Variants in HIVEP2 observed in about 807,000 individuals in gnomAD.
HIVEP2 encodes the protein transcription factor HIVEP2.
A neutral mutation model predicts 180.7 loss-of-function variants in HIVEP2; 14 were observed. That is an observed-to-expected ratio of 0.08 (90% CI 0.05 to 0.12). The LOEUF (loss-of-function observed/expected upper bound fraction) is 0.12, where lower values mean the gene tolerates loss of function less well. Ranked by LOEUF, HIVEP2 falls within the 10% of genes least tolerant of loss-of-function variation. The pLI is 1.00. For synonymous variants in HIVEP2, 1,184 were observed against 1,136.4 expected, an observed-to-expected ratio of 1.04 and a Z score of -0.84; for missense variants, 2,579 against 3,008.5, an observed-to-expected ratio of 0.86 and a Z score of 3.34.
intron 1 of HIVEP2, among the ~76,000 whole-genome samples, chr6:142,944,585 G>T (rs1778265146): frequency 6.6e-6 from 1 of 152,212 alleles, no homozygotes; most frequent in Non-Finnish European, 1.5e-5. Context: ...ATAGCAGCCG[G>T]CAGTGCCGCC....
At chr6:142,866,833 CT>C (rs1162058084) in intron 1 of HIVEP2, among the ~76,000 whole-genome samples, 1 of 152,118 alleles carries the variant, frequency 6.6e-6, no homozygotes, top group African/African-American at 2.4e-5. Context: ...AATGTGGCTA[CT>C]TACCCCTTTC....
At position 142,815,695 on chromosome 6, in the gene HIVEP2, T is replaced by A. The variant is rs562944082; in HGVS notation, c.-528+21240A>T. The stretch of plus-strand genomic sequence containing the variant: ...TTAAGTGATTATGGAGTACTCATTA[T>A]CTGTCAGGCATTGTGCTAAGCGTTT... On this transcript the variant is annotated intron_variant, in intron 2 of 9. Transcript: ENST00000367603. Among the ~76,000 whole-genome samples the A allele has an allele frequency of 1.5e-4, 23 of 152,350 alleles. No homozygotes were observed. The East Asian group carries it at 4.4e-3, about 29-fold the overall frequency.
chr6:142,774,818 A>G lies in HIVEP2; in HGVS notation c.-80T>C. The stretch of plus-strand genomic sequence containing the variant: ...GAGTGTCTCCAAAGCTGTGCTTCTT[A>G]AAGCTTGGTTGCTTCCATGTTCCAG... On this transcript the variant is annotated 5_prime_UTR_variant, in exon 5 of 10. The change abolishes the stop of an existing upstream ORF in the 5' untranslated region. Transcript: ENST00000367603. The surrounding 1 kb of genome is among the most constrained non-coding windows in gnomAD (Gnocchi z 5.1). The G allele has an allele frequency of 6.5e-7, 1 of 1,532,904 alleles. No homozygotes were observed. The allele number at this position is 1,532,904 out of a possible 1,614,324, so 95.0% of individuals were successfully genotyped here.
At chr6:142,828,681 C>T (rs1023657527) in intron 2 of HIVEP2, among the ~76,000 whole-genome samples, 3 of 152,088 alleles carry the variant, frequency 2.0e-5, no homozygotes, top group East Asian at 1.9e-4. Flanking sequence ...CCACCCGCCT[C>T]GGCCTCCCAA....
At chr6:142,911,020 C>T (rs979045617) in intron 1 of HIVEP2, among the ~76,000 whole-genome samples, 11 of 151,858 alleles carry the variant, frequency 7.2e-5, no homozygotes, top group African/African-American at 2.4e-4. Flanking sequence ...TTAATGAATG[C>T]CACCCTCTGC....
chr6:142,830,127 G>A (rs1291815887), intron 2 of HIVEP2, among the ~76,000 whole-genome samples: 2 of 152,018 alleles, frequency 1.3e-5, no homozygotes, highest in Non-Finnish European at 2.9e-5. Context: ...AGAAACTAAG[G>A]TTTTCTGTTG....
intron 1 of HIVEP2, among the ~76,000 whole-genome samples, chr6:142,844,672 T>A (rs991819211): frequency 1.3e-5 from 2 of 152,198 alleles, no homozygotes; most frequent in African/African-American, 4.8e-5. Flanking sequence ...GCATCAAGGC[T>A]TGAATGTTAA....
At chr6:142,910,619 TAAAC>T (rs1378365148) in intron 1 of HIVEP2, among the ~76,000 whole-genome samples, 6 of 152,006 alleles carry the variant, frequency 3.9e-5, no homozygotes, top group African/African-American at 1.4e-4. Context: ...AAAATAAAGA[TAAAC>T]AAAACAAAAC....
chr6:142,788,725 C>T (rs1776067330), intron 2 of HIVEP2, among the ~76,000 whole-genome samples: 1 of 151,144 alleles, frequency 6.6e-6, no homozygotes, highest in African/African-American at 2.4e-5. Flanking sequence ...AAAACAACAA[C>T]AACAAACAAA....
At chr6:142,846,809 GA>G (rs540379149) in intron 1 of HIVEP2, among the ~76,000 whole-genome samples, 13 of 150,628 alleles carry the variant, frequency 8.6e-5, no homozygotes, top group South Asian at 2.1e-4. Flanking sequence ...ACAAACTAAG[GA>G]AAAAAAAACC....
At chr6:142,857,318 T>C (rs62430711) in intron 1 of HIVEP2, among the ~76,000 whole-genome samples, 9,121 of 152,228 alleles carry the variant, frequency 0.06, 385 homozygotes, top group Non-Finnish European at 0.086. Context: ...AATAAGCTAT[T>C]GTATAGCCCC....
rs1283228826 is a variant in HIVEP2, at chr6:142,753,451, T to G, written c.6997A>C (p.Ile2333Leu). 5.0e-6 allele frequency: 8 copies of G among 1,613,940 alleles called. No homozygotes were observed. The highest frequency in any genetic ancestry group is 6.8e-6 in the Non-Finnish European group (8 of 1,180,036). Reference sequence around the variant, plus strand: ...TCCGTGGCAATCCGGAGAGAGGCAATGGCTTTTGTACAAGTCTGTATATTT... The same window carrying G: ...TCCGTGGCAATCCGGAGAGAGGCAAGGGCTTTTGTACAAGTCTGTATATTT... ...EENIQTCTKA[I>L]ASLRIATEEA... The change falls in exon 10 of 10, where the codon ATT becomes CTT. Residue 2333 changes from isoleucine to leucine, a missense_variant. By Grantham distance (5) the Ile-to-Leu change is conservative (BLOSUM62 2). This residue lies in a region of HIVEP2 where 660 missense variants were observed against 731.7 expected (regional missense o/e 0.90). Transcript: ENST00000367603.
At chr6:142,853,335 C>A (rs1458064922) in intron 1 of HIVEP2, among the ~76,000 whole-genome samples, 3 of 152,164 alleles carry the variant, frequency 2.0e-5, no homozygotes, top group African/African-American at 4.8e-5. Flanking sequence ...AAAGGGTCTC[C>A]CTGTGGTTTC....
At chr6:142,793,346 A>T (rs892111756) in intron 2 of HIVEP2, among the ~76,000 whole-genome samples, 1 of 152,186 alleles carries the variant, frequency 6.6e-6, no homozygotes, top group Non-Finnish European at 1.5e-5. Flanking sequence ...GGGAATATTT[A>T]CTGATGACTT....
At chr6:142,868,395 C>T (rs1289130688) in intron 1 of HIVEP2, among the ~76,000 whole-genome samples, 2 of 152,184 alleles carry the variant, frequency 1.3e-5, no homozygotes, top group Non-Finnish European at 2.9e-5. Flanking sequence ...AAAGAGCAAT[C>T]ACTTAAATCT....
chr6:142,849,355 T>C (rs989048168), intron 1 of HIVEP2, among the ~76,000 whole-genome samples: 3 of 152,182 alleles, frequency 2.0e-5, no homozygotes, highest in Admixed American at 2.0e-4. Flanking sequence ...TATTCGGTTT[T>C]AGAGCAAACT....
At chr6:142,793,648 C>CTTTTTTT (rs1345352201) in intron 2 of HIVEP2, among the ~76,000 whole-genome samples, 3,481 of 35,580 alleles carry the variant, frequency 0.098, 66 homozygotes, top group Non-Finnish European at 0.13. Flanking sequence ...TTCTTTCTTT[C>CTTTTTTT]TTTCTTTCTT....
At chr6:142,898,711 T>C (rs984701061) in intron 1 of HIVEP2, among the ~76,000 whole-genome samples, 1 of 152,098 alleles carries the variant, frequency 6.6e-6, no homozygotes, top group Admixed American at 6.6e-5. Context: ...GTCACTACTT[T>C]TCTCAAAGGC....
At chr6:142,818,243 G>A (rs1049452972) in intron 2 of HIVEP2, among the ~76,000 whole-genome samples, 2 of 152,154 alleles carry the variant, frequency 1.3e-5, no homozygotes, top group East Asian at 1.9e-4. Flanking sequence ...CCCTTCTAAA[G>A]GCAAGGAAGC....
Sources: gnomAD v4.1 joint callset for allele counts (sites outside exome capture counted in the v4.1 genomes callset) on GRCh38, gnomAD v4.1.1 for gene constraint, gnomAD v4.1.1 regional missense constraint, Gnocchi (gnomAD v3.1) non-coding constraint, MANE v1.5 for transcripts, NCBI Gene and HGNC (gene_info 2026-07-23, HGNC 2026-07-21) for gene names.